The following TELO2 variants were observed in gnomAD, a reference collection of about 807,000 sequenced individuals.
The protein encoded by TELO2 is telomere maintenance 2, also known as telomere length regulation protein TEL2 homolog.
TELO2 carries 71 observed loss-of-function variants against 91.0 expected under a neutral mutation model. The observed-to-expected ratio is 0.78, with a 90% CI of 0.64 to 0.95. The LOEUF is 0.95. Among genes scored for constraint, TELO2 ranks in the 40% least tolerant of loss-of-function variants. The pLI, the probability that TELO2 is intolerant of heterozygous loss-of-function variation, is 0.00. For synonymous variants in TELO2, 584 were observed against 518.9 expected (o/e 1.13, Z -1.71); for missense variants, 1,183 against 1,141.3 (o/e 1.04, Z -0.53).
At chr16:1,503,111 C>T (rs2039766367) in intron 15 of TELO2, 109 bp downstream of exon 15, 5 of 1,233,116 alleles carry the variant, frequency 4.1e-6, no homozygotes, top group South Asian at 3.7e-5. Context: ...CTCGTGCAGG[C>T]CTGTCCACTG....
At chr16:1,498,596 C>G (rs1414149282) in intron 5 of TELO2, among the ~76,000 whole-genome samples, 2 of 152,100 alleles carry the variant, frequency 1.3e-5, no homozygotes, top group East Asian at 3.9e-4. Context: ...GCTATCATAC[C>G]CAGCTAATTT....
intron 20 of TELO2, among the ~76,000 whole-genome samples, chr16:1,509,078 G>A (rs780607198): frequency 7.2e-5 from 11 of 151,996 alleles, no homozygotes; most frequent in East Asian, 3.9e-4. Context: ...CTGGGTGGGC[G>A]GGCACATTCC....
At chr16:1,507,076 G>T in intron 18 of TELO2, 25 bp downstream of exon 18, 1 of 1,577,388 alleles carries the variant, frequency 6.3e-7, no homozygotes. Context: ...GTCGCCGGGC[G>T]CCGGCCTGTG....
Position 1,499,241 on chromosome 16 carries a change from C to T in TELO2, c.841C>T (p.Leu281Phe). ...GACTCTGTCTTGCAGGCCTGAGGTC[C>T]TTTCGAGACTGCTGGGGAACCTGGT... The part of the protein sequence containing the change: ...LVEAALGPEV[L>F]SRLLGNLVVK... Residue 281 changes from leucine to phenylalanine, a missense_variant, in exon 6 of 21, where the codon CTT becomes TTT. Transcript: ENST00000262319. 1 of 1,614,010 alleles carries T rather than the reference C, an allele frequency of 6.2e-7. No individual in the cohort carries two copies. The highest frequency in any genetic ancestry group is 8.5e-7 in the Non-Finnish European group (1 of 1,180,000).
At chr16:1,501,073 G>A (rs554695261) in intron 9 of TELO2, among the ~76,000 whole-genome samples, 8 of 152,374 alleles carry the variant, frequency 5.3e-5, no homozygotes, top group African/African-American at 1.9e-4. Flanking sequence ...GCTGCCGGCT[G>A]CCTGGCCATG....
At position 1,507,726 on chromosome 16, in the gene TELO2, G is replaced by A. The variant is rs200338379; in HGVS notation, c.2407+10G>A. 33 of 1,595,970 alleles carry A rather than the reference G, an allele frequency of 2.1e-5. No individual in the cohort carries two copies. Among genetic ancestry groups the A allele is most frequent in the Non-Finnish European group, 2.5e-5 (30 of 1,177,038 alleles). Reference sequence around the variant, plus strand: ...CGGTCCTGGCTGGCGGGTGAGTGTCGGCCTGCGGTGTGTGTGTGAGATGTG... The same window carrying A: ...CGGTCCTGGCTGGCGGGTGAGTGTCAGCCTGCGGTGTGTGTGTGAGATGTG... On this transcript the variant is annotated intron_variant, in intron 20 of 20. Transcript: ENST00000262319.
chr16:1,506,983 G>A lies in TELO2; in HGVS notation c.2158G>A (p.Asp720Asn). ...GGTGACCTTCGACCTCTTGGGAGAA[G>A]ACCAGCTGGTTCTCGGAAGGCTGGC... ...PLVTFDLLGEDQLVLGRLAHT... is the reference protein window; with the variant it reads ...PLVTFDLLGENQLVLGRLAHT... Residue 720 changes from aspartate (D) to asparagine (N), a missense_variant, in exon 18 of 21, where the codon GAC becomes AAC. By Grantham distance (23) the Asp-to-Asn change is conservative. Coordinates refer to ENST00000262319, the MANE Select transcript of TELO2 (RefSeq NM_016111.4). 3 of 1,612,118 alleles carry A rather than the reference G, an allele frequency of 1.9e-6. No homozygotes were observed. Among genetic ancestry groups the A allele is most frequent in the Non-Finnish European group, 2.5e-6 (3 of 1,179,242 alleles).
In TELO2 at chr16:1,507,318, A is replaced by G. The variant is rs778224175; in HGVS notation, c.2239A>G (p.Met747Val). 1.2e-6 allele frequency: 2 copies of G among 1,609,932 alleles called. No individual in the cohort carries two copies. Among genetic ancestry groups the G allele is most frequent in the Admixed American group, 1.7e-5 (1 of 60,014 alleles). Residue 747 changes from methionine (M) to valine (V), a missense_variant, in exon 19 of 21, where the codon ATG (methionine) becomes GTG (valine). Transcript: ENST00000262319. ...LAVNTTVAVAMGKALLEFVWA... is the reference protein window; with the variant it reads ...LAVNTTVAVAVGKALLEFVWA... ...TGCTGGTGTCCAGGTGGCTGTGGCCATGGGCAAGGCCCTGCTGGAATTCGT... is the reference window on the plus strand; with the variant it reads ...TGCTGGTGTCCAGGTGGCTGTGGCCGTGGGCAAGGCCCTGCTGGAATTCGT...
rs2039846857 is a variant in TELO2 at position 1,505,250 on chromosome 16, T to A, written c.1843-160T>A. ...CCCGCCTACCAAGGCGCGGTTGCTGTGAGCTACGGGGAAGTGACTTTTCTC... is the reference window on the plus strand; with the variant it reads ...CCCGCCTACCAAGGCGCGGTTGCTGAGAGCTACGGGGAAGTGACTTTTCTC... On this transcript the variant is annotated intron_variant, in intron 15 of 20. Coordinates refer to ENST00000262319, the MANE Select transcript of TELO2 (RefSeq NM_016111.4). This position sits in a 1 kb window ranked among gnomAD's most constrained non-coding sequence, Gnocchi z 4.3. The A allele has an allele frequency of 1.2e-6, 1 of 816,606 alleles. No homozygotes were observed. The highest frequency in any genetic ancestry group is 1.9e-6 in the Non-Finnish European group (1 of 539,156). 50.6% of individuals were successfully genotyped at this position (816,606 alleles called of 1,614,324 possible). A position where few individuals can be genotyped will look rare whatever the true frequency, so the allele number is the denominator to read the frequency against.
In TELO2 at chr16:1,505,732, A is replaced by C; in HGVS notation, c.2034+131A>C. ...CGCTGGGGATGGTGCCTTTGCCGGG[A>C]TTCCTGAAAGGCAGGGTCCATGGTT... On this transcript the variant is annotated intron_variant, in intron 16 of 20. Coordinates refer to ENST00000262319, the MANE Select transcript of TELO2 (RefSeq NM_016111.4). This position sits in a 1 kb window ranked among gnomAD's most constrained non-coding sequence, Gnocchi z 4.3. 8.2e-7 allele frequency: 1 copy of C among 1,214,824 alleles called. No individual in the cohort carries two copies. The highest frequency in any genetic ancestry group is 1.1e-6 in the Non-Finnish European group (1 of 889,022). 75.3% of individuals were successfully genotyped at this position (1,214,824 alleles called of 1,614,324 possible). A position where few individuals can be genotyped will look rare whatever the true frequency, so the allele number is the denominator to read the frequency against.
In TELO2 at chr16:1,507,375, G is replaced by A; in HGVS notation, c.2291+5G>A. 5 of 1,610,316 alleles carry A rather than the reference G, an allele frequency of 3.1e-6. No individual in the cohort carries two copies. Among genetic ancestry groups the A allele is most frequent in the Non-Finnish European group, 2.5e-6 (3 of 1,179,886 alleles). On this transcript the variant is annotated splice_donor_5th_base_variant and intron_variant, in intron 19 of 20. Transcript: ENST00000262319. ...CCTTCGCTTCCACATCGATGCGTGA[G>A]TGGCCTGTGGGGCTGGGCCAGGCCA...
Position 1,502,115 on chromosome 16 carries a change from A to C in TELO2, c.1541A>C (p.Tyr514Ser). 1 of 1,613,046 alleles carries C rather than the reference A, an allele frequency of 6.2e-7. No homozygotes were observed. The highest frequency in any genetic ancestry group is 8.5e-7 in the Non-Finnish European group (1 of 1,179,968). Reference protein sequence around the residue: ...RELKSSKAPAYVRDCVEALTT... With the variant: ...RELKSSKAPASVRDCVEALTT... The stretch of plus-strand genomic sequence containing the variant: ...CTGAAGAGCAGCAAGGCTCCTGCCT[A>C]CGTCCGGGACTGCGTGGAAGGTGGG... The change falls in exon 12 of 21, where the codon TAC becomes TCC. Residue 514 changes from tyrosine to serine, a missense_variant. Transcript: ENST00000262319.
intron 16 of TELO2, 149 bp from the exon 17 acceptor site, chr16:1,506,089 C>A: frequency 1.2e-6 from 1 of 813,604 alleles, no homozygotes; most frequent in Non-Finnish European, 2.0e-6. Context: ...CCCCATGGGG[C>A]CTGGGAGCTG....
Position 1,500,493 on chromosome 16 carries a change from G to A in TELO2, c.1144+5G>A. 6.2e-7 allele frequency: 1 copy of A among 1,610,396 alleles called. No individual in the cohort carries two copies. The highest frequency in any genetic ancestry group is 8.5e-7 in the Non-Finnish European group (1 of 1,178,900). On this transcript the variant is annotated splice_donor_5th_base_variant and intron_variant, in intron 8 of 20. Transcript: ENST00000262319. Reference sequence around the variant, plus strand: ...AACTGCGGGACAGCCGGGATGGTGAGCGGGTGGTTTGGGCTCCCCCCGGCC... The same window carrying A: ...AACTGCGGGACAGCCGGGATGGTGAACGGGTGGTTTGGGCTCCCCCCGGCC...
chr16:1,494,471 A>C lies in TELO2; in HGVS notation c.190A>C (p.Arg64=), dbSNP rs759618298. The C allele has an allele frequency of 1.2e-6, 2 of 1,613,154 alleles. No individual in the cohort carries two copies. The highest frequency in any genetic ancestry group is 1.3e-5 in the African/African-American group (1 of 74,884). The change falls in exon 2 of 21, where the codon AGA becomes CGA. Residue 64 remains arginine (R), a synonymous_variant. Coordinates refer to ENST00000262319, the MANE Select transcript of TELO2 (RefSeq NM_016111.4). The surrounding 1 kb of genome is among the most constrained non-coding windows in gnomAD (Gnocchi z 5.6). Reference sequence around the variant, plus strand: ...CTCGGCCCACTTCTCGCCTGTCCTCAGATGTCTTGCCAGCAGGCTGAGCCC... The same window carrying C: ...CTCGGCCCACTTCTCGCCTGTCCTCCGATGTCTTGCCAGCAGGCTGAGCCC... ...FASAHFSPVL[R]CLASRLSPAW... is the part of the protein sequence containing the mutation.
intron 5 of TELO2, 75 bp from the exon 6 acceptor site, chr16:1,499,156 C>T: frequency 1.4e-6 from 2 of 1,479,658 alleles, no homozygotes; most frequent in Non-Finnish European, 1.9e-6. Flanking sequence ...CGTCTGTGGG[C>T]ATCGGAGTTC....
intron 15 of TELO2, among the ~76,000 whole-genome samples, chr16:1,503,885 G>A (rs2039792321): frequency 6.6e-6 from 1 of 151,830 alleles, no homozygotes; most frequent in African/African-American, 2.4e-5. Flanking sequence ...TCATCCCAGT[G>A]CTGTGGGAGA....
In TELO2 at chr16:1,502,602, A is replaced by G. The variant is rs757265662; in HGVS notation, c.1654-43A>G. The G allele has an allele frequency of 3.1e-6, 5 of 1,592,832 alleles. No homozygotes were observed. The Admixed American group carries it at 5.1e-5, about 16-fold the overall frequency. On this transcript the variant is annotated intron_variant, in intron 13 of 20. Transcript: ENST00000262319. ...GAGCCTCGGTGAGGCCTCGGCGGGC[A>G]GCTGGGTCCGACAGGTTTCCCAGCC...
Position 1,505,189 on chromosome 16 carries a change from C to T in TELO2, c.1843-221C>T, listed in dbSNP as rs1481057390. 2 of 572,486 alleles carry T rather than the reference C, an allele frequency of 3.5e-6. No homozygotes were observed. Among genetic ancestry groups the T allele is most frequent in the East Asian group, 2.9e-5 (1 of 34,996 alleles). 35.5% of individuals were successfully genotyped at this position (572,486 alleles called of 1,614,324 possible). On this transcript the variant is annotated intron_variant, in intron 15 of 20. Transcript: ENST00000262319. The surrounding 1 kb of genome is among the most constrained non-coding windows in gnomAD (Gnocchi z 4.3). The stretch of plus-strand genomic sequence containing the variant: ...CTGCGCTCGGCCCTGGGCGTGTTCT[C>T]ATCTCCTGGAGCACGGTGCCCACCT...
Sources: gnomAD v4.1 joint callset for allele counts (sites outside exome capture counted in the v4.1 genomes callset) on GRCh38, gnomAD v4.1.1 for gene constraint, Gnocchi (gnomAD v3.1) non-coding constraint, MANE v1.5 for transcripts, NCBI Gene and HGNC (gene_info 2026-07-23, HGNC 2026-07-21) for gene names.